The following CSMD3 variants were observed in gnomAD, a reference collection of about 807,000 sequenced individuals.
The protein encoded by CSMD3 is CUB and sushi domain-containing protein 3.
CSMD3 carries 177 observed loss-of-function variants against 435.2 expected under a neutral mutation model. The observed-to-expected ratio is 0.41, with a 90% CI of 0.36 to 0.46. The LOEUF is 0.46. Ranked by LOEUF, CSMD3 falls within the 20% of genes least tolerant of loss-of-function variation. The pLI is 0.34. For synonymous variants in CSMD3, 1,656 were observed against 1,520.5 expected, an observed-to-expected ratio of 1.09 and a Z score of -2.07; for missense variants, 4,265 against 4,504.6, an observed-to-expected ratio of 0.95 and a Z score of 1.52.
chr8:113,249,020 A>G (rs1204301344), intron 3 of CSMD3, among the ~76,000 whole-genome samples: 1 of 152,080 alleles, frequency 6.6e-6, no homozygotes, highest in Non-Finnish European at 1.5e-5. Context: ...CAAGGGTAGG[A>G]CCAGATAGAC....
rs1833887334 is a variant in CSMD3 at position 112,619,287 on chromosome 8, A to G, written c.3715+17530T>C. Among the ~76,000 whole-genome samples, 3 of 151,480 alleles carry G rather than the reference A, an allele frequency of 2.0e-5. No individual in the cohort carries two copies. The South Asian group carries it at 6.2e-4, about 31-fold the overall frequency. The stretch of plus-strand genomic sequence containing the variant: ...TTCCTTTATTTTTGGCTCAGATTAC[A>G]TATTATCATACTGTACCTCTCCTGT... On this transcript the variant is annotated intron_variant, in intron 22 of 70. Transcript: ENST00000297405.
intron 27 of CSMD3, among the ~76,000 whole-genome samples, chr8:112,519,227 A>G (rs1382281736): frequency 6.6e-6 from 1 of 152,192 alleles, no homozygotes; most frequent in Non-Finnish European, 1.5e-5. Flanking sequence ...TAAGTCTGCC[A>G]TTCATGCCTC....
At chr8:112,266,770 A>G (rs1028055204) in intron 59 of CSMD3, among the ~76,000 whole-genome samples, 4 of 152,210 alleles carry the variant, frequency 2.6e-5, no homozygotes, top group Non-Finnish European at 5.9e-5. Context: ...CAAACACTAC[A>G]AAGATTATAT....
At chr8:112,669,997 C>T (rs551493619) in intron 16 of CSMD3, among the ~76,000 whole-genome samples, 1 of 152,216 alleles carries the variant, frequency 6.6e-6, no homozygotes, top group Admixed American at 6.5e-5. Flanking sequence ...CCTCCCAGTG[C>T]CCATGGTGCA....
intron 11 of CSMD3, among the ~76,000 whole-genome samples, chr8:112,858,179 C>T (rs570631641): frequency 6.6e-6 from 1 of 151,726 alleles, no homozygotes; most frequent in South Asian, 2.1e-4. Context: ...ACTTTAATAA[C>T]AATGAATTAA....
In CSMD3 at chr8:112,265,480, A is replaced by G. The variant is rs527383688; in HGVS notation, c.9619T>C (p.Leu3207=). 1 of 1,613,834 alleles carries G rather than the reference A, an allele frequency of 6.2e-7. No individual in the cohort carries two copies. The highest frequency in any genetic ancestry group is 1.3e-5 in the African/African-American group (1 of 75,034). ...YMCQPGYTME[L]NGSRIRTCTI... The stretch of plus-strand genomic sequence containing the variant: ...CAAGTCCTGATTCTGGAGCCATTCA[A>G]TTCCATCGTGTAGCCTGGCTGGCAC... Residue 3207 remains leucine, a synonymous_variant, in exon 60 of 71, where the codon TTG becomes CTG. Transcript: ENST00000297405.
At chr8:112,597,052 T>C (rs1288707131) in intron 22 of CSMD3, among the ~76,000 whole-genome samples, 3 of 152,012 alleles carry the variant, frequency 2.0e-5, no homozygotes, top group South Asian at 2.1e-4. Flanking sequence ...CACAAAAAAG[T>C]CTTCAAAAAA....
intron 11 of CSMD3, among the ~76,000 whole-genome samples, chr8:112,842,294 C>T: frequency 6.6e-6 from 1 of 151,820 alleles, no homozygotes; most frequent in East Asian, 1.9e-4. Flanking sequence ...TTCAAGCTCT[C>T]TTGGCAGCAG....
At chr8:113,254,463 A>G (rs1326834637) in intron 3 of CSMD3, among the ~76,000 whole-genome samples, 1 of 152,216 alleles carries the variant, frequency 6.6e-6, no homozygotes, top group South Asian at 2.1e-4. Context: ...GGCCAGGTAT[A>G]GAACCCATCT....
intron 64 of CSMD3, 132 bp from the exon 65 acceptor site, chr8:112,244,705 T>G (rs1009871231): frequency 1.5e-6 from 1 of 659,616 alleles, no homozygotes; most frequent in Non-Finnish European, 2.6e-6. Context: ...ATTATTCTAA[T>G]AAATCACAAA....
intron 2 of CSMD3, among the ~76,000 whole-genome samples, chr8:113,287,191 A>G (rs1394853941): frequency 1.3e-5 from 2 of 152,028 alleles, no homozygotes; most frequent in African/African-American, 4.8e-5. Context: ...TACGACCAGC[A>G]TAAGCACAGT....
intron 58 of CSMD3, among the ~76,000 whole-genome samples, chr8:112,281,768 A>G (rs1818671366): frequency 1.3e-5 from 2 of 152,294 alleles, no homozygotes; most frequent in African/African-American, 4.8e-5. Context: ...TATTTCAGAA[A>G]AGACAGATAC....
chr8:113,329,412 A>T (rs900630882), intron 1 of CSMD3, among the ~76,000 whole-genome samples: 8 of 152,116 alleles, frequency 5.3e-5, no homozygotes, highest in Non-Finnish European at 1.2e-4. Context: ...AGAATCAGTA[A>T]ACTTGAAGAT....
intron 1 of CSMD3, among the ~76,000 whole-genome samples, chr8:113,353,158 G>A (rs2094200793): frequency 6.6e-6 from 1 of 152,002 alleles, no homozygotes; most frequent in Non-Finnish European, 1.5e-5. Context: ...GATGTGAAGA[G>A]GAAAGGAAAA....
chr8:112,376,910 T>C (rs1828995259), intron 38 of CSMD3, among the ~76,000 whole-genome samples: 1 of 152,162 alleles, frequency 6.6e-6, no homozygotes, highest in Admixed American at 6.6e-5. Context: ...GCATTTTAAG[T>C]AGAGTGTAAG....
At chr8:112,955,267 A>T in intron 7 of CSMD3, among the ~76,000 whole-genome samples, 1 of 151,714 alleles carries the variant, frequency 6.6e-6, no homozygotes, top group Non-Finnish European at 1.5e-5. Flanking sequence ...TAGCTCTGTC[A>T]ATCATTTCCA....
intron 3 of CSMD3, among the ~76,000 whole-genome samples, chr8:113,186,331 C>A (rs1270103702): frequency 1.3e-5 from 2 of 151,972 alleles, no homozygotes; most frequent in Admixed American, 6.6e-5. Context: ...GTTCTACCAC[C>A]ATTCAATTTT....
At chr8:113,408,623 G>A (rs1344607812) in intron 1 of CSMD3, among the ~76,000 whole-genome samples, 2 of 151,208 alleles carry the variant, frequency 1.3e-5, no homozygotes, top group Non-Finnish European at 2.9e-5. Context: ...CATGCGCACA[G>A]TTACAATAGT....
chr8:113,198,228 T>G (rs1350153794), intron 3 of CSMD3, among the ~76,000 whole-genome samples: 1 of 151,416 alleles, frequency 6.6e-6, no homozygotes, highest in Non-Finnish European at 1.5e-5. Context: ...CTCCAACTTT[T>G]GTATATGTAA....
Sources: gnomAD v4.1 joint callset for allele counts (sites outside exome capture counted in the v4.1 genomes callset) on GRCh38, gnomAD v4.1.1 for gene constraint, MANE v1.5 for transcripts, NCBI Gene and HGNC (gene_info 2026-07-23, HGNC 2026-07-21) for gene names.